Variants in BMP5 observed in about 807,000 individuals in gnomAD.
The protein encoded by BMP5 is bone morphogenetic protein 5.
A neutral mutation model predicts 46.6 loss-of-function variants in BMP5; 23 were observed. The observed-to-expected ratio is 0.49, with a 90% CI of 0.35 to 0.70. The LOEUF is 0.70. Among genes scored for constraint, BMP5 ranks in the 30% least tolerant of loss-of-function variants. The pLI, the probability that BMP5 is intolerant of heterozygous loss-of-function variation, is 0.00. For missense variants in BMP5, 545 were observed against 565.6 expected (o/e 0.96, Z 0.37); for synonymous variants, 204 against 191.9 (o/e 1.06, Z -0.52).
At chr6:55,831,743 C>T (rs1776668942) in intron 1 of BMP5, among the ~76,000 whole-genome samples, 1 of 152,186 alleles carries the variant, frequency 6.6e-6, no homozygotes, top group Non-Finnish European at 1.5e-5. Flanking sequence ...GTTCAATTCA[C>T]TTATCTGAAG....
chr6:55,805,607 G>C (rs1045327858), intron 2 of BMP5, among the ~76,000 whole-genome samples: 1 of 152,156 alleles, frequency 6.6e-6, no homozygotes, highest in African/African-American at 2.4e-5. Flanking sequence ...GGGTCAGATG[G>C]TATTTCTGGT....
intron 2 of BMP5, among the ~76,000 whole-genome samples, chr6:55,797,457 A>G (rs759032125): frequency 1.3e-5 from 2 of 152,154 alleles, no homozygotes; most frequent in African/African-American, 2.4e-5. Context: ...AAGAAAAAAC[A>G]TATTTATTTG....
intron 4 of BMP5, among the ~76,000 whole-genome samples, chr6:55,769,642 T>C (rs1255355542): frequency 3.9e-5 from 6 of 151,932 alleles, no homozygotes; most frequent in South Asian, 2.1e-4. Flanking sequence ...AAATGGAATC[T>C]AGAATGGTGA....
At chr6:55,767,108 C>T (rs1266089376) in intron 4 of BMP5, among the ~76,000 whole-genome samples, 2 of 151,952 alleles carry the variant, frequency 1.3e-5, no homozygotes, top group Non-Finnish European at 2.9e-5. Context: ...ACAACAGACA[C>T]AATGCCTTAA....
chr6:55,845,172 T>C (rs1295160182), intron 1 of BMP5, among the ~76,000 whole-genome samples: 1 of 152,086 alleles, frequency 6.6e-6, no homozygotes, highest in East Asian at 1.9e-4. Context: ...AACAGAGCTG[T>C]CATACTTACT....
At chr6:55,815,133 CAAAAA>C (rs35015007) in intron 2 of BMP5, among the ~76,000 whole-genome samples, 2 of 77,966 alleles carry the variant, frequency 2.6e-5, no homozygotes, top group East Asian at 4.0e-4. Context: ...AACTCCATCT[CAAAAA>C]AAAAAAAAAA....
At chr6:55,808,412 C>T (rs1489342029) in intron 2 of BMP5, among the ~76,000 whole-genome samples, 2 of 152,126 alleles carry the variant, frequency 1.3e-5, no homozygotes, top group East Asian at 3.9e-4. Flanking sequence ...ATGTATTAGG[C>T]AGTTATCTGT....
chr6:55,794,711 C>T (rs1461274392), intron 2 of BMP5, among the ~76,000 whole-genome samples: 1 of 151,936 alleles, frequency 6.6e-6, no homozygotes, highest in Non-Finnish European at 1.5e-5. Context: ...TAATTTGATC[C>T]CTGGTCATCA....
chr6:55,817,192 C>T (rs538352747), intron 2 of BMP5, among the ~76,000 whole-genome samples: 15 of 152,226 alleles, frequency 9.9e-5, no homozygotes, highest in South Asian at 4.2e-4. Context: ...GATACTGTGG[C>T]GATTCCTCAA....
At chr6:55,859,613 G>T (rs1244088079) in intron 1 of BMP5, among the ~76,000 whole-genome samples, 1 of 152,100 alleles carries the variant, frequency 6.6e-6, no homozygotes. Flanking sequence ...AGTATAAGAG[G>T]AAATGTACAA....
At chr6:55,763,656 A>G (rs981462722) in intron 4 of BMP5, among the ~76,000 whole-genome samples, 5 of 152,192 alleles carry the variant, frequency 3.3e-5, no homozygotes, top group African/African-American at 1.2e-4. Flanking sequence ...GAGCCTGCCT[A>G]CAAATGAAGA....
rs1398931790 is a variant in BMP5, at chr6:55,874,470, C to T, written c.396G>A (p.Thr132=). The stretch of plus-strand genomic sequence containing the variant: ...GAGGACTCTGGGTGGTCAGAGGAGT[C>T]GTCCGAGATAACTGTATGCGACGAG... ...GYPRRIQLSR[T]TPLTTQSPPL... The change falls in exon 1 of 7, where the codon ACG becomes ACA. Residue 132 remains threonine (T), a synonymous_variant. Coordinates refer to ENST00000370830, the MANE Select transcript of BMP5 (RefSeq NM_021073.4). 3.7e-6 allele frequency: 6 copies of T among 1,613,330 alleles called. No homozygotes were observed. The highest frequency in any genetic ancestry group is 1.1e-5 in the South Asian group (1 of 91,064).
intron 3 of BMP5, among the ~76,000 whole-genome samples, chr6:55,777,138 T>C (rs1414057342): frequency 1.3e-5 from 2 of 151,970 alleles, no homozygotes; most frequent in Admixed American, 6.6e-5. Flanking sequence ...ACACCATAGA[T>C]GCATTAACTA....
chr6:55,805,605 T>C (rs932925971), intron 2 of BMP5, among the ~76,000 whole-genome samples: 2 of 152,194 alleles, frequency 1.3e-5, no homozygotes, highest in Non-Finnish European at 2.9e-5. Flanking sequence ...CTGGGTCAGA[T>C]GGTATTTCTG....
chr6:55,840,841 T>C (rs1463363906), intron 1 of BMP5, among the ~76,000 whole-genome samples: 1 of 152,234 alleles, frequency 6.6e-6, no homozygotes, highest in Non-Finnish European at 1.5e-5. Context: ...TAACTAGCTG[T>C]ACATTTCGTA....
intron 2 of BMP5, among the ~76,000 whole-genome samples, chr6:55,816,620 ATATAGGTC>A (rs1286966807): frequency 4.6e-5 from 7 of 152,170 alleles, no homozygotes; most frequent in Non-Finnish European, 7.4e-5. Context: ...TGAGAAACAA[ATATAGGTC>A]TTTCTGCCTT....
At chr6:55,764,370 G>A (rs1032285934) in intron 4 of BMP5, among the ~76,000 whole-genome samples, 1 of 152,054 alleles carries the variant, frequency 6.6e-6, no homozygotes, top group African/African-American at 2.4e-5. Context: ...TCAGAAGATC[G>A]ACACCATTCT....
At chr6:55,793,932 C>T (rs7740815) in intron 3 of BMP5, among the ~76,000 whole-genome samples, 3 of 152,100 alleles carry the variant, frequency 2.0e-5, no homozygotes, top group South Asian at 2.1e-4. Context: ...TTTTACAAAT[C>T]GTATAGTTGT....
rs1178499647 is a variant in BMP5 at position 55,824,716 on chromosome 6, C to A, written c.491-4869G>T. Reference sequence around the variant, plus strand: ...TGAGAATAGAAAGAGTGTTTAGTAACAAACACTTGTGTCAATCAATTTGCT... The same window carrying A: ...TGAGAATAGAAAGAGTGTTTAGTAAAAAACACTTGTGTCAATCAATTTGCT... On this transcript the variant is annotated intron_variant, in intron 1 of 6. Transcript: ENST00000370830. Among the ~76,000 whole-genome samples, 7 of 151,888 alleles carry A rather than the reference C, an allele frequency of 4.6e-5. No homozygotes were observed. In the South Asian group the frequency reaches 8.3e-4, roughly 18 times the overall value.
Sources: allele counts gnomAD v4.1 joint callset (sites outside exome capture counted in the v4.1 genomes callset), GRCh38; gene constraint gnomAD v4.1.1; transcripts MANE v1.5; gene names NCBI Gene and HGNC (gene_info 2026-07-23, HGNC 2026-07-21).